The following THSD4 variants were observed in gnomAD, a reference collection of about 807,000 sequenced individuals.
THSD4 encodes thrombospondin type-1 domain-containing protein 4.
In THSD4, 69 loss-of-function variants were observed where a neutral mutation model predicts 119.0. The observed-to-expected ratio is 0.58, with a 90% CI of 0.48 to 0.71. The LOEUF (loss-of-function observed/expected upper bound fraction) is 0.71, where lower values mean the gene tolerates loss of function less well. Ranked by LOEUF, THSD4 falls within the 30% of genes least tolerant of loss-of-function variation. THSD4 has a pLI of 0.00. For missense variants in THSD4, 1,393 were observed against 1,391.1 expected (o/e 1.00, Z -0.02); for synonymous variants, 524 against 540.4 (o/e 0.97, Z 0.42).
chr15:71,327,979 C>G (rs372466238), intron 6 of THSD4, among the ~76,000 whole-genome samples: 1 of 152,124 alleles, frequency 6.6e-6, no homozygotes, highest in East Asian at 1.9e-4. Context: ...CCTCTTTTCC[C>G]ACAAACTTAC....
chr15:71,727,239 C>T (rs1384072995), intron 8 of THSD4, among the ~76,000 whole-genome samples: 1 of 152,034 alleles, frequency 6.6e-6, no homozygotes, highest in Non-Finnish European at 1.5e-5. Flanking sequence ...TTAAATTTGA[C>T]AGTGCACGTG....
intron 7 of THSD4, among the ~76,000 whole-genome samples, chr15:71,636,193 G>A (rs1329001730): frequency 3.3e-5 from 5 of 152,152 alleles, no homozygotes; most frequent in Middle Eastern, 3.2e-3. Context: ...AGGCCGAGGC[G>A]GGTGGATCAC....
At chr15:71,251,818 C>T (rs1212875821) in intron 5 of THSD4, among the ~76,000 whole-genome samples, 2 of 152,098 alleles carry the variant, frequency 1.3e-5, no homozygotes, top group Non-Finnish European at 2.9e-5. Flanking sequence ...GTTGTCATTT[C>T]AGATTAACCA....
At chr15:71,524,763 A>ATTTTTTTTTT (rs35666244) in intron 7 of THSD4, among the ~76,000 whole-genome samples, 18 of 116,096 alleles carry the variant, frequency 1.6e-4, no homozygotes, top group East Asian at 7.4e-4. Flanking sequence ...CGCCCGGCTA[A>ATTTTTTTTTT]TTTTTTTTTT....
chr15:71,404,607 C>T (rs1240233928), intron 6 of THSD4, among the ~76,000 whole-genome samples: 1 of 152,162 alleles, frequency 6.6e-6, no homozygotes, highest in Non-Finnish European at 1.5e-5. Context: ...AATATGATAT[C>T]ATTAAGAGGT....
chr15:71,199,460 G>GGTGTGTGTGTGTGGT (rs2043749372), intron 3 of THSD4, among the ~76,000 whole-genome samples: 1 of 138,194 alleles, frequency 7.2e-6, no homozygotes, highest in Admixed American at 7.2e-5. Context: ...TGTGGGGGGG[G>GGTGTGTGTGTGTGGT]GTGTGTGTGT....
intron 4 of THSD4, among the ~76,000 whole-genome samples, chr15:71,238,997 G>C (rs1249251501): frequency 6.6e-6 from 1 of 152,110 alleles, no homozygotes; most frequent in Non-Finnish European, 1.5e-5. Flanking sequence ...ACATGAAATG[G>C]TCATGCTCTC....
At chr15:71,112,190 A>T (rs1396221425), upstream of THSD4, 1 of 1,613,796 alleles carries the variant, frequency 6.2e-7, no homozygotes, top group South Asian at 1.1e-5. Context: ...CACAGGAGAA[A>T]TGGCTGAATG....
At chr15:71,173,384 G>A (rs941470795) in intron 3 of THSD4, among the ~76,000 whole-genome samples, 2 of 151,836 alleles carry the variant, frequency 1.3e-5, no homozygotes, top group East Asian at 1.9e-4. Flanking sequence ...ACATAAATAA[G>A]TATAAAGATA....
intron 6 of THSD4, among the ~76,000 whole-genome samples, chr15:71,271,746 G>A (rs1481479195): frequency 2.0e-5 from 3 of 152,064 alleles, no homozygotes; most frequent in East Asian, 3.9e-4. Flanking sequence ...TTTAGAGCTA[G>A]TATTAATGTC....
chr15:71,738,289 A>G (rs947432092), intron 11 of THSD4: 2 of 339,724 alleles, frequency 5.9e-6, no homozygotes, highest in Non-Finnish European at 1.1e-5. Context: ...ATGTAACGCC[A>G]CCACTGATCT....
At chr15:71,551,301 G>A (rs1018781929) in intron 7 of THSD4, among the ~76,000 whole-genome samples, 1 of 152,204 alleles carries the variant, frequency 6.6e-6, no homozygotes, top group South Asian at 2.1e-4. Context: ...GAAAAGACCA[G>A]ATCTTTGTAT....
Position 71,242,939 on chromosome 15 carries a change from G to GCTAC in THSD4, c.757_760dup (p.Pro254LeufsTer59). 1 of 1,614,188 alleles carries GCTAC rather than the reference G, an allele frequency of 6.2e-7. No homozygotes were observed. The highest frequency in any genetic ancestry group is 8.5e-7 in the Non-Finnish European group (1 of 1,180,044). ...CAGCTACCTTTGACCCATGATCAAGGCTACCCTGCAGCTTCAAGTCTCTTT... is the reference window on the plus strand; with the variant it reads ...CAGCTACCTTTGACCCATGATCAAGGCTACCTACCCTGCAGCTTCAAGTCTCTTT... On this transcript the variant is annotated frameshift_variant, in exon 5 of 18. Transcript: ENST00000261862. LOFTEE classifies it high-confidence loss of function.
chr15:71,537,224 T>A (rs2048699154), intron 7 of THSD4, among the ~76,000 whole-genome samples: 1 of 152,184 alleles, frequency 6.6e-6, no homozygotes, highest in African/African-American at 2.4e-5. Context: ...ACAGCCATAA[T>A]CTTCTAACTG....
At chr15:71,442,451 C>G (rs1232894712) in intron 7 of THSD4, among the ~76,000 whole-genome samples, 1 of 149,660 alleles carries the variant, frequency 6.7e-6, no homozygotes, top group African/African-American at 2.4e-5. Flanking sequence ...TACCTGTAAT[C>G]CCAGCTACTT....
At position 71,389,807 on chromosome 15, in the gene THSD4, G is replaced by GTTTTTTTTTT. The variant is rs1237701264; in HGVS notation, c.1016-21878_1016-21877insTTTTTTTTTT. On this transcript the variant is annotated intron_variant, in intron 6 of 17. Transcript: ENST00000261862. ...CTTGCCAACACTTGCTATTTTCTGG[G>GTTTTTTTTTT]TTGTTTTTTTTTTTTTTTTTGACAC... 1.5e-3 allele frequency among the ~76,000 whole-genome samples: 71 copies of GTTTTTTTTTT among 46,224 alleles called. 2 individuals are homozygous for GTTTTTTTTTT. Among genetic ancestry groups the GTTTTTTTTTT allele is most frequent in the Non-Finnish European group, 2.9e-3 (56 of 19,510 alleles). 30.3% of individuals were successfully genotyped at this position (46,224 alleles called of 152,430 possible). A position where few individuals can be genotyped will look rare whatever the true frequency, so the allele number is the denominator to read the frequency against.
At chr15:71,521,137 TACTTA>T (rs1427363522) in intron 7 of THSD4, among the ~76,000 whole-genome samples, 1 of 152,196 alleles carries the variant, frequency 6.6e-6, no homozygotes, top group African/African-American at 2.4e-5. Context: ...ATTATTGGTT[TACTTA>T]ACTTGTCTTC....
At chr15:71,206,014 A>G (rs1048589926) in intron 3 of THSD4, among the ~76,000 whole-genome samples, 3 of 152,062 alleles carry the variant, frequency 2.0e-5, no homozygotes, top group Admixed American at 6.6e-5. Context: ...TTTCTACAAA[A>G]TAAACCTCCC....
intron 6 of THSD4, among the ~76,000 whole-genome samples, chr15:71,264,271 CAT>C (rs1462859573): frequency 6.6e-6 from 1 of 152,224 alleles, no homozygotes; most frequent in African/African-American, 2.4e-5. Flanking sequence ...CACCCCTGTG[CAT>C]AGATAATCCA....
Sources: allele counts gnomAD v4.1 joint callset (sites outside exome capture counted in the v4.1 genomes callset), GRCh38; gene constraint gnomAD v4.1.1; transcripts MANE v1.5; gene names NCBI Gene and HGNC (gene_info 2026-07-23, HGNC 2026-07-21).